The following PALS2 variants were observed in gnomAD, a reference collection of about 807,000 sequenced individuals.
The protein encoded by PALS2 is protein PALS2.
A neutral mutation model predicts 61.6 loss-of-function variants in PALS2; 27 were observed. The observed-to-expected ratio is 0.44, with a 90% CI of 0.32 to 0.60. PALS2 has a LOEUF of 0.60. Ranked by LOEUF, PALS2 falls within the 20% of genes least tolerant of loss-of-function variation. PALS2 has a pLI of 0.05. For synonymous variants in PALS2, 236 were observed against 218.6 expected (o/e 1.08, Z -0.70); for missense variants, 554 against 639.4 (o/e 0.87, Z 1.44).
intron 8 of PALS2, 64 bp downstream of exon 8, chr7:24,666,153 A>G (rs760923410): frequency 7.1e-7 from 1 of 1,418,074 alleles, no homozygotes; most frequent in Non-Finnish European, 9.9e-7. Context: ...AGTGTGGCAT[A>G]AACTCTGAAT....
intron 1 of PALS2, among the ~76,000 whole-genome samples, chr7:24,586,052 A>G (rs896405117): frequency 6.6e-5 from 10 of 152,326 alleles, no homozygotes; most frequent in African/African-American, 2.4e-4. Context: ...ATATGTATAT[A>G]CTGGTATTAC....
Position 24,633,096 on chromosome 7 carries a change from T to G in PALS2, c.118-8620T>G, listed in dbSNP as rs1421581234. 3.9e-5 allele frequency among the ~76,000 whole-genome samples: 6 copies of G among 152,260 alleles called. No individual in the cohort carries two copies. The East Asian group carries it at 7.7e-4, about 20-fold the overall frequency. On this transcript the variant is annotated intron_variant, in intron 2 of 11. Transcript: ENST00000222644. ...AAATACATTGTTGTGAATAAAACTA[T>G]TATCTATTAAATCAATTAGGAATAA...
intron 9 of PALS2, among the ~76,000 whole-genome samples, chr7:24,675,644 T>G (rs1787535975): frequency 7.0e-6 from 1 of 143,668 alleles, no homozygotes; most frequent in Admixed American, 6.9e-5. Context: ...ATGCGGTGTT[T>G]GGTTTTTTGT....
intron 1 of PALS2, among the ~76,000 whole-genome samples, chr7:24,620,395 T>G (rs946321286): frequency 5.3e-5 from 8 of 152,206 alleles, no homozygotes; most frequent in Non-Finnish European, 1.0e-4. Context: ...ACAAACTAAT[T>G]TGAGAATGAT....
chr7:24,674,026 A>G (rs61373344), intron 9 of PALS2, among the ~76,000 whole-genome samples: 3,580 of 152,132 alleles, frequency 0.024, 163 homozygotes, highest in African/African-American at 0.082. Context: ...AATAGGTTCA[A>G]TGATACATGT....
At chr7:24,592,666 C>T (rs1783336501) in intron 1 of PALS2, among the ~76,000 whole-genome samples, 1 of 152,084 alleles carries the variant, frequency 6.6e-6, no homozygotes, top group African/African-American at 2.4e-5. Context: ...CACAATGAAG[C>T]AAATCACACA....
intron 2 of PALS2, among the ~76,000 whole-genome samples, chr7:24,635,185 C>A (rs1163198249): frequency 6.6e-6 from 1 of 152,168 alleles, no homozygotes; most frequent in Non-Finnish European, 1.5e-5. Context: ...ACAGTGATGT[C>A]TTCTAATCCA....
intron 1 of PALS2, among the ~76,000 whole-genome samples, chr7:24,589,885 C>A (rs1415044034): frequency 6.6e-6 from 1 of 152,056 alleles, no homozygotes; most frequent in Non-Finnish European, 1.5e-5. Context: ...TCATGACTGG[C>A]ATTTTTGGCA....
rs907229678 is a variant in PALS2, at chr7:24,689,194, C to T, written c.*1580C>T. 1 of 152,166 alleles carries T rather than the reference C, an allele frequency of 6.6e-6. No homozygotes were observed. The highest frequency in any genetic ancestry group is 1.5e-5 in the Non-Finnish European group (1 of 68,022). 9.4% of individuals were successfully genotyped at this position (152,166 alleles called of 1,614,324 possible). ...TGACTTATACAAATTCCCACATTCACCTCAGTTAATATCTTCCTTTAGGAT... is the reference window on the plus strand; with the variant it reads ...TGACTTATACAAATTCCCACATTCATCTCAGTTAATATCTTCCTTTAGGAT... On this transcript the variant is annotated 3_prime_UTR_variant, in exon 12 of 12. Transcript: ENST00000222644.
rs1429276242 is a variant in PALS2 at position 24,668,576 on chromosome 7, A to T, written c.1030A>T (p.Ile344Leu). 1.9e-6 allele frequency: 3 copies of T among 1,613,756 alleles called. No individual in the cohort carries two copies. Among genetic ancestry groups the T allele is most frequent in the Non-Finnish European group, 2.5e-6 (3 of 1,179,872 alleles). Residue 344 changes from isoleucine to leucine, a missense_variant, in exon 9 of 12, where the codon ATA becomes TTA. Coordinates refer to ENST00000222644, the MANE Select transcript of PALS2 (RefSeq NM_001303037.2). ...CTTCCAGAGAAAAACATTAGTATTGATAGGAGCTCAAGGTGTAGGCCGAAG... is the reference window on the plus strand; with the variant it reads ...CTTCCAGAGAAAAACATTAGTATTGTTAGGAGCTCAAGGTGTAGGCCGAAG... ...PPFQRKTLVL[I>L]GAQGVGRRSL...
chr7:24,647,281 G>A (rs1473300277), intron 3 of PALS2, among the ~76,000 whole-genome samples: 1 of 151,936 alleles, frequency 6.6e-6, no homozygotes, highest in Non-Finnish European at 1.5e-5. Flanking sequence ...CAAGTAGCTG[G>A]GACTAGGCAG....
chr7:24,660,112 T>C (rs1481310039), intron 5 of PALS2, among the ~76,000 whole-genome samples: 1 of 152,228 alleles, frequency 6.6e-6, no homozygotes, highest in Admixed American at 6.5e-5. Flanking sequence ...AAGACATTGT[T>C]TCACATATTT....
At position 24,585,424 on chromosome 7, in the gene PALS2, T is replaced by G. The variant is rs751740682; in HGVS notation, c.-3+11831T>G. Among the ~76,000 whole-genome samples the G allele has an allele frequency of 4.4e-4, 67 of 152,194 alleles. 1 individual carries two copies. Among genetic ancestry groups the G allele is most frequent in the Non-Finnish European group, 1.5e-4 (10 of 68,034 alleles). On this transcript the variant is annotated intron_variant, in intron 1 of 11. Transcript: ENST00000222644. Reference sequence around the variant, plus strand: ...CTAGGTATATTCAGATCCTTTCTTATGTTCACTTAAAAGTTATTGATTCCA... The same window carrying G: ...CTAGGTATATTCAGATCCTTTCTTAGGTTCACTTAAAAGTTATTGATTCCA...
At chr7:24,592,879 C>A (rs966959977) in intron 1 of PALS2, among the ~76,000 whole-genome samples, 2 of 150,994 alleles carry the variant, frequency 1.3e-5, no homozygotes, top group Non-Finnish European at 3.0e-5. Context: ...CTGATGGCTG[C>A]TGACTGATCA....
intron 1 of PALS2, among the ~76,000 whole-genome samples, chr7:24,601,048 T>C (rs1783704335): frequency 6.6e-6 from 1 of 152,180 alleles, no homozygotes; most frequent in African/African-American, 2.4e-5. Flanking sequence ...ATCGAACATT[T>C]TTAGCTGACT....
intron 10 of PALS2, among the ~76,000 whole-genome samples, chr7:24,679,736 C>T (rs2128031811): frequency 7.0e-6 from 1 of 143,512 alleles, no homozygotes; most frequent in African/African-American, 2.7e-5. Context: ...TTCATTTTGT[C>T]ACTCTATATT....
intron 3 of PALS2, among the ~76,000 whole-genome samples, chr7:24,643,324 A>G (rs1221358896): frequency 6.6e-6 from 1 of 152,192 alleles, no homozygotes; most frequent in Non-Finnish European, 1.5e-5. Flanking sequence ...GCATATAAAA[A>G]TTTTAGAATA....
In PALS2 at chr7:24,623,673, G is replaced by A. The variant is rs1447040987; in HGVS notation, c.6G>A (p.Gln2=). 3 of 1,568,332 alleles carry A rather than the reference G, an allele frequency of 1.9e-6. No individual in the cohort carries two copies. Among genetic ancestry groups the A allele is most frequent in the Admixed American group, 4.0e-5 (2 of 50,292 alleles). The stretch of plus-strand genomic sequence containing the variant: ...TTGCTTTTATCTCAGCAGCAATGCA[G>A]CAAGTCTTGGAAAACCTTACGGAGC... M[Q]QVLENLTELP... Residue 2 remains glutamine, a synonymous_variant, in exon 2 of 12, where the codon CAG becomes CAA. Transcript: ENST00000222644.
chr7:24,622,818 T>A lies in PALS2; in HGVS notation c.-2-848T>A, dbSNP rs1253720394. ...CATTAAGTATGATATTAGCTGTGGG[T>A]TTTTCATAGAAGCCTTTTATCAGAG... On this transcript the variant is annotated intron_variant, in intron 1 of 11. Coordinates refer to ENST00000222644, the MANE Select transcript of PALS2 (RefSeq NM_001303037.2). 3.3e-5 allele frequency among the ~76,000 whole-genome samples: 5 copies of A among 151,738 alleles called. No homozygotes were observed. In the East Asian group the frequency reaches 9.6e-4, roughly 29 times the overall value.
Sources: gnomAD v4.1 joint callset for allele counts (sites outside exome capture counted in the v4.1 genomes callset) on GRCh38, gnomAD v4.1.1 for gene constraint, MANE v1.5 for transcripts, NCBI Gene and HGNC (gene_info 2026-07-23, HGNC 2026-07-21) for gene names.